The following SCN11A variants were observed in gnomAD, a reference collection of about 807,000 sequenced individuals.
SCN11A encodes sodium channel protein type 11 subunit alpha.
SCN11A carries 122 observed loss-of-function variants against 162.2 expected under a neutral mutation model. That is an observed-to-expected ratio of 0.75 (90% CI 0.65 to 0.87). The LOEUF is 0.87. Among genes scored for constraint, SCN11A ranks in the 40% least tolerant of loss-of-function variants. SCN11A has a pLI of 0.00. For missense variants in SCN11A, 2,015 were observed against 2,181.6 expected (o/e 0.92, Z 1.52); for synonymous variants, 758 against 751.5 (o/e 1.01, Z -0.14).
intron 5 of SCN11A, among the ~76,000 whole-genome samples, chr3:38,947,137 C>T (rs2066530534): frequency 6.6e-6 from 1 of 152,066 alleles, no homozygotes; most frequent in Non-Finnish European, 1.5e-5. Context: ...GAAAAGAAAA[C>T]CCTTAATATT....
intron 5 of SCN11A, among the ~76,000 whole-genome samples, chr3:38,947,927 G>A (rs2066542683): frequency 6.6e-6 from 1 of 152,230 alleles, no homozygotes; most frequent in African/African-American, 2.4e-5. Flanking sequence ...AATACAGCAT[G>A]TTCTCAGGCA....
chr3:38,846,986 CCGAGT>C lies in SCN11A; in HGVS notation c.5079_5083del (p.Leu1694TrpfsTer3). The stretch of plus-strand genomic sequence containing the variant: ...CATACTATCTAGGCCATCAGAGCCA[CCGAGT>C]ACCCTAGCGGTGAAGGCGAAAAGAA... On this transcript the variant is annotated frameshift_variant, in exon 30 of 30. Coordinates refer to ENST00000302328, the MANE Select transcript of SCN11A (RefSeq NM_001349253.2). LOFTEE classifies it low-confidence loss of function (END_TRUNC). 1 of 1,614,136 alleles carries C rather than the reference CCGAGT, an allele frequency of 6.2e-7. No individual in the cohort carries two copies. Among genetic ancestry groups the C allele is most frequent in the Non-Finnish European group, 8.5e-7 (1 of 1,180,024 alleles).
At chr3:38,997,440 G>GT (rs1482361437) in intron 2 of SCN11A, among the ~76,000 whole-genome samples, 1 of 152,130 alleles carries the variant, frequency 6.6e-6, no homozygotes, top group Non-Finnish European at 1.5e-5. Flanking sequence ...ATCTATACCA[G>GT]TCACCCTATT....
chr3:38,920,320 G>A (rs907509298), intron 10 of SCN11A, among the ~76,000 whole-genome samples: 1 of 152,204 alleles, frequency 6.6e-6, no homozygotes, highest in Non-Finnish European at 1.5e-5. Context: ...GAGACATCAA[G>A]AGAGTGTAGT....
Position 38,883,210 on chromosome 3 carries a change from T to G in SCN11A, c.3219+23A>C, listed in dbSNP as rs2065338549. 3.1e-6 allele frequency: 5 copies of G among 1,603,106 alleles called. No homozygotes were observed. In the East Asian group the frequency reaches 1.1e-4, roughly 36 times the overall value. On this transcript the variant is annotated intron_variant, in intron 22 of 29. Transcript: ENST00000302328. ...CCCAGCTGCCCTGATGCCCAATGTC[T>G]CCACAAGACAATGATGATTTACCAG...
intron 2 of SCN11A, among the ~76,000 whole-genome samples, chr3:38,992,645 T>C (rs1253977181): frequency 1.3e-5 from 2 of 152,236 alleles, no homozygotes; most frequent in Non-Finnish European, 2.9e-5. Context: ...TTACAGCCTG[T>C]GTGTCATGCT....
intron 1 of SCN11A, among the ~76,000 whole-genome samples, chr3:39,051,060 C>G (rs1049235700): frequency 6.6e-6 from 1 of 151,938 alleles, no homozygotes; most frequent in African/African-American, 2.4e-5. Flanking sequence ...CTAGAATTGT[C>G]TCTGGGAACA....
chr3:38,862,217 A>C (rs186500765), intron 28 of SCN11A, among the ~76,000 whole-genome samples: 29 of 152,238 alleles, frequency 1.9e-4, no homozygotes, highest in Admixed American at 4.6e-4. Flanking sequence ...GAATTATCAT[A>C]ATTTAAAAAT....
intron 27 of SCN11A, among the ~76,000 whole-genome samples, chr3:38,863,521 C>T (rs2064998007): frequency 6.6e-6 from 1 of 152,008 alleles, no homozygotes; most frequent in African/African-American, 2.4e-5. Context: ...AGTTATTTTT[C>T]ACTTTTTAGA....
chr3:38,887,822 C>T (rs1338480328), intron 19 of SCN11A, among the ~76,000 whole-genome samples: 1 of 152,194 alleles, frequency 6.6e-6, no homozygotes, highest in Non-Finnish European at 1.5e-5. Flanking sequence ...TTTATCCTAA[C>T]ATCTATGTGA....
intron 28 of SCN11A, among the ~76,000 whole-genome samples, chr3:38,853,124 C>T (rs1290408830): frequency 1.3e-5 from 2 of 152,210 alleles, no homozygotes; most frequent in East Asian, 3.8e-4. Context: ...CTAGCATGCT[C>T]TGTGCAGTGC....
rs183828132 is a variant in SCN11A at position 38,847,288 on chromosome 3, A to G, written c.4782T>C (p.Ile1594=). 38 of 1,614,176 alleles carry G rather than the reference A, an allele frequency of 2.4e-5. No homozygotes were observed. The African/African-American group carries it at 4.8e-4, about 20-fold the overall frequency. Residue 1594 remains isoleucine (I), a synonymous_variant, in exon 30 of 30, where the codon ATT becomes ATC. Coordinates refer to ENST00000302328, the MANE Select transcript of SCN11A (RefSeq NM_001349253.2). ...TCACAGCAATGTACATGTTGACAAC[A>G]ATGAGAAAGGAGATGATAATGTAAC... The part of the protein sequence containing the change: ...FVSYIIISFL[I]VVNMYIAVIL...
At chr3:38,946,740 G>T (rs1346622568) in intron 6 of SCN11A, 49 bp downstream of exon 6, 3 of 1,200,156 alleles carry the variant, frequency 2.5e-6, no homozygotes, top group South Asian at 2.6e-5. Flanking sequence ...TGGGGCACGT[G>T]CACTTTTCAA....
chr3:38,982,210 C>G (rs2030083228), intron 2 of SCN11A, among the ~76,000 whole-genome samples: 1 of 152,170 alleles, frequency 6.6e-6, no homozygotes. Context: ...TGGGCCAACC[C>G]TGGCCTGTTT....
chr3:38,998,753 T>C (rs1188707141), intron 2 of SCN11A, among the ~76,000 whole-genome samples: 1 of 152,062 alleles, frequency 6.6e-6, no homozygotes, highest in African/African-American at 2.4e-5. Flanking sequence ...TCATGTCCTT[T>C]GTAGGGACAT....
At chr3:39,047,852 G>A (rs1027696568) in intron 1 of SCN11A, among the ~76,000 whole-genome samples, 3 of 152,078 alleles carry the variant, frequency 2.0e-5, no homozygotes, top group South Asian at 2.1e-4. Flanking sequence ...AGTTAGAATC[G>A]CTATACGAAA....
intron 18 of SCN11A, 88 bp from the exon 19 acceptor site, chr3:38,895,052 T>A: frequency 8.2e-7 from 1 of 1,212,844 alleles, no homozygotes; most frequent in South Asian, 1.6e-5. Context: ...TCCCCAAGAC[T>A]AAAAACAGAA....
chr3:38,884,444 A>G (rs2065361040), intron 21 of SCN11A, among the ~76,000 whole-genome samples: 1 of 152,206 alleles, frequency 6.6e-6, no homozygotes, highest in Admixed American at 6.5e-5. Context: ...TCTGGACCCA[A>G]TTTAATCCTA....
At chr3:38,912,418 C>G (rs530098414) in intron 11 of SCN11A, among the ~76,000 whole-genome samples, 89 of 152,242 alleles carry the variant, frequency 5.8e-4, no homozygotes, top group African/African-American at 2.0e-3. Context: ...GCTTTGTATG[C>G]ACAAATACAC....
Sources: allele counts gnomAD v4.1 joint callset (sites outside exome capture counted in the v4.1 genomes callset), GRCh38; gene constraint gnomAD v4.1.1; transcripts MANE v1.5; gene names NCBI Gene and HGNC (gene_info 2026-07-23, HGNC 2026-07-21).